The following SLC40A1 variants were observed in gnomAD, a reference collection of about 807,000 sequenced individuals.
The protein encoded by SLC40A1 is solute carrier family 40 member 1.
SLC40A1 carries 16 observed loss-of-function variants against 53.5 expected under a neutral mutation model. The ratio of observed to expected loss-of-function variants is 0.30; its 90% confidence interval spans 0.20 to 0.45. The LOEUF is 0.45. SLC40A1 is among the 20% of genes least tolerant of loss of function. The probability of loss-of-function intolerance (pLI) is 1.00; values close to 1 mark genes in which losing one functional copy is unlikely to be tolerated. For synonymous variants in SLC40A1, 247 were observed against 253.2 expected (o/e 0.98, Z 0.23); for missense variants, 545 against 695.4 (o/e 0.78, Z 2.43).
chr2:189,573,036 G>T (rs958717201), intron 3 of SLC40A1, 75 bp from the exon 4 acceptor site: 3 of 1,009,214 alleles, frequency 3.0e-6, no homozygotes, highest in African/African-American at 1.6e-5. Context: ...ACACATAATT[G>T]TTCTACTATA....
intron 5 of SLC40A1, among the ~76,000 whole-genome samples, chr2:189,570,002 GTATA>G (rs35375140): frequency 5.3e-5 from 7 of 130,846 alleles, no homozygotes; most frequent in African/African-American, 1.4e-4. Flanking sequence ...ATATATGTAT[GTATA>G]TATATATACA....
In SLC40A1 at chr2:189,569,305, C is replaced by T. The variant is rs182223970; in HGVS notation, c.514+2410G>A. ...TCATGGGCATACCCCTCCCCTTTCACCCTCTAAACATATCACAAACAGGTG... is the reference window on the plus strand; with the variant it reads ...TCATGGGCATACCCCTCCCCTTTCATCCTCTAAACATATCACAAACAGGTG... On this transcript the variant is annotated intron_variant, in intron 5 of 7. Transcript: ENST00000261024. Among the ~76,000 whole-genome samples the T allele has an allele frequency of 5.4e-3, 823 of 152,316 alleles. 12 individuals are homozygous for T. The highest frequency in any genetic ancestry group is 0.019 in the African/African-American group (786 of 41,574).
intron 6 of SLC40A1, among the ~76,000 whole-genome samples, chr2:189,564,540 T>TA (rs921875523): frequency 1.9e-4 from 29 of 151,978 alleles, no homozygotes; most frequent in Admixed American, 1.3e-4. Flanking sequence ...TAAAATTGTC[T>TA]AAAAAAACAC....
intron 2 of SLC40A1, among the ~76,000 whole-genome samples, chr2:189,577,016 T>C (rs1188076702): frequency 1.3e-5 from 2 of 152,188 alleles, no homozygotes; most frequent in African/African-American, 4.8e-5. Flanking sequence ...AGCAACAGAT[T>C]CTATGTTTAC....
rs1168677803 is a variant in SLC40A1, at chr2:189,578,537, G to C, written c.111+1276C>G. 4 of 184,372 alleles carry C rather than the reference G, an allele frequency of 2.2e-5. No homozygotes were observed. In the Middle Eastern group the frequency reaches 1.5e-3, roughly 70 times the overall value. 11.4% of individuals were successfully genotyped at this position (184,372 alleles called of 1,614,324 possible). On this transcript the variant is annotated intron_variant, in intron 2 of 7. Transcript: ENST00000261024. ...GAAGAGAGGCATCTTCTTCCTCTAA[G>C]AGCAAGGCCAGACCACAGGCTGAGA...
chr2:189,572,842 T>C lies in SLC40A1; in HGVS notation c.387+4A>G. The C allele has an allele frequency of 5.0e-6, 8 of 1,592,078 alleles. No homozygotes were observed. The highest frequency in any genetic ancestry group is 6.9e-6 in the Non-Finnish European group (8 of 1,160,110). ...TGCCATCAAGAATCTCATTGAGAAC[T>C]TACGAGAACCCATCCATGGTACATG... On this transcript the variant is annotated splice_donor_region_variant and intron_variant, in intron 4 of 7. Coordinates refer to ENST00000261024, the MANE Select transcript of SLC40A1 (RefSeq NM_014585.6).
chr2:189,571,836 G>T lies in SLC40A1; in HGVS notation c.393C>A (p.Ser131=). The change falls in exon 5 of 8, where the codon TCC becomes TCA. Residue 131 remains serine (S), a synonymous_variant. Coordinates refer to ENST00000261024, the MANE Select transcript of SLC40A1 (RefSeq NM_014585.6). The part of the protein sequence containing the change: ...LTMYHGWVLT[S]CYILIITIAN... Reference sequence around the variant, plus strand: ...CAATAGTGATGATCAGGATATAGCAGGAAGTCTAAAGAATGACAAGAAAAA... The same window carrying T: ...CAATAGTGATGATCAGGATATAGCATGAAGTCTAAAGAATGACAAGAAAAA... 6.2e-7 allele frequency: 1 copy of T among 1,606,488 alleles called. No homozygotes were observed. Among genetic ancestry groups the T allele is most frequent in the Non-Finnish European group, 8.5e-7 (1 of 1,173,294 alleles).
In SLC40A1 at chr2:189,564,185, A is replaced by G. The variant is rs1372472364; in HGVS notation, c.801T>C (p.Gly267=). The change falls in exon 7 of 8, where the codon GGT becomes GGC. Residue 267 remains glycine, a synonymous_variant. Transcript: ENST00000261024. Reference sequence around the variant, plus strand: ...GCTCATGGATGTTAGAGTCTTTCACACCCATTAGATGAGTTCCCTCCAGGG... The same window carrying G: ...GCTCATGGATGTTAGAGTCTTTCACGCCCATTAGATGAGTTCCCTCCAGGG... ...PKPLEGTHLM[G]VKDSNIHELE... is the part of the protein sequence containing the mutation. 9 of 1,613,826 alleles carry G rather than the reference A, an allele frequency of 5.6e-6. No individual in the cohort carries two copies. The highest frequency in any genetic ancestry group is 2.2e-5 in the East Asian group (1 of 44,878).
At chr2:189,579,683 C>T in intron 2 of SLC40A1, 130 bp downstream of exon 2, 1 of 803,716 alleles carries the variant, frequency 1.2e-6, no homozygotes, top group South Asian at 1.4e-5. Context: ...TTCATTAAAG[C>T]ATGTGTACTT....
chr2:189,572,704 A>G lies in SLC40A1; in HGVS notation c.387+142T>C. 2.2e-5 allele frequency: 15 copies of G among 686,324 alleles called. No individual in the cohort carries two copies. In the South Asian group the frequency reaches 2.5e-4, roughly 11 times the overall value. 42.5% of individuals were successfully genotyped at this position (686,324 alleles called of 1,614,324 possible). A position where few individuals can be genotyped will look rare whatever the true frequency, so the allele number is the denominator to read the frequency against. ...GGGCAAAACAACAACAAAACAAACT[A>G]TAGGGGATATTACAGTAGACACAGA... On this transcript the variant is annotated intron_variant, in intron 4 of 7. Coordinates refer to ENST00000261024, the MANE Select transcript of SLC40A1 (RefSeq NM_014585.6).
rs1171553272 is a variant in SLC40A1, at chr2:189,576,913, T to A, written c.112-1593A>T. Among the ~76,000 whole-genome samples the A allele has an allele frequency of 2.0e-5, 3 of 152,228 alleles. No homozygotes were observed. In the East Asian group the frequency reaches 5.8e-4, roughly 29 times the overall value. ...AGACAAATGCTATTAAAGTTTTGAA[T>A]CTTGCTTTTTCTTGCATGCCATACC... On this transcript the variant is annotated intron_variant, in intron 2 of 7. Transcript: ENST00000261024.
chr2:189,571,689 T>C, intron 5 of SLC40A1, 26 bp downstream of exon 5: 14 of 1,611,312 alleles, frequency 8.7e-6, no homozygotes, highest in Non-Finnish European at 1.2e-5. Context: ...ACATGCTCAT[T>C]TCATTAAAAG....
intron 2 of SLC40A1, among the ~76,000 whole-genome samples, chr2:189,577,644 T>C (rs2105634371): frequency 6.7e-6 from 1 of 148,706 alleles, no homozygotes; most frequent in South Asian, 2.1e-4. Flanking sequence ...AGACAGGGTC[T>C]TATTCTGTTG....
intron 3 of SLC40A1, among the ~76,000 whole-genome samples, chr2:189,573,868 TA>T (rs1266014432): frequency 6.6e-6 from 1 of 152,204 alleles, no homozygotes; most frequent in Non-Finnish European, 1.5e-5. Context: ...CAGTCTGATA[TA>T]AAATCCCAAC....
chr2:189,565,557 A>G lies in SLC40A1; in HGVS notation c.557T>C (p.Ile186Thr). The G allele has an allele frequency of 6.2e-7, 1 of 1,614,232 alleles. No individual in the cohort carries two copies. The highest frequency in any genetic ancestry group is 1.3e-5 in the African/African-American group (1 of 75,068). The change falls in exon 6 of 8, where the codon ATC becomes ACC. Residue 186 changes from isoleucine (I) to threonine (T), a missense_variant. By Grantham distance (89) the Ile-to-Thr change is moderately conservative. This residue lies in a region of SLC40A1 where 197 missense variants were observed against 278.8 expected (regional missense o/e 0.71). Transcript: ENST00000261024. ...TIRRIDQLTN[I>T]LAPMAVGQIM... ...CTGGCCAACAGCCATGGGGGCTAAG[A>G]TGTTGGTTAACTGGTCAATCCTTCG...
intron 1 of SLC40A1, 113 bp from the exon 2 acceptor site, chr2:189,579,993 C>T: frequency 2.0e-6 from 2 of 1,016,468 alleles, no homozygotes; most frequent in South Asian, 1.3e-5. Context: ...AACTACTTTG[C>T]AGGACAAACC....
At chr2:189,569,728 T>C (rs2031061591) in intron 5 of SLC40A1, among the ~76,000 whole-genome samples, 1 of 152,198 alleles carries the variant, frequency 6.6e-6, no homozygotes, top group South Asian at 2.1e-4. Context: ...AAAGCTAATG[T>C]AGAGTGGACA....
In SLC40A1 at chr2:189,572,746, T is replaced by C. The variant is rs552020987; in HGVS notation, c.387+100A>G. Reference sequence around the variant, plus strand: ...AGACACAGAAATCAATATTAAAAGGTCACACTGGCCAAAAAAAAAAATAGC... The same window carrying C: ...AGACACAGAAATCAATATTAAAAGGCCACACTGGCCAAAAAAAAAAATAGC... On this transcript the variant is annotated intron_variant, in intron 4 of 7. Transcript: ENST00000261024. 5 of 801,906 alleles carry C rather than the reference T, an allele frequency of 6.2e-6. No individual in the cohort carries two copies. The African/African-American group carries it at 7.0e-5, about 11-fold the overall frequency. 49.7% of individuals were successfully genotyped at this position (801,906 alleles called of 1,614,324 possible).
intron 4 of SLC40A1, 46 bp downstream of exon 4, chr2:189,572,800 C>G (rs1343407516): frequency 5.2e-6 from 7 of 1,333,978 alleles, no homozygotes; most frequent in Non-Finnish European, 2.2e-6. Flanking sequence ...TTTACCACTA[C>G]CAGATATTCA....
Sources: allele counts gnomAD v4.1 joint callset (sites outside exome capture counted in the v4.1 genomes callset), GRCh38; gene constraint gnomAD v4.1.1; regional missense constraint gnomAD v4.1.1; transcripts MANE v1.5; gene names NCBI Gene and HGNC (gene_info 2026-07-23, HGNC 2026-07-21).